Variants in LHX9 observed in about 807,000 individuals in gnomAD.
LHX9 encodes the protein LIM/homeobox protein Lhx9.
A neutral mutation model predicts 36.5 loss-of-function variants in LHX9; 9 were observed. The observed-to-expected ratio is 0.25, with a 90% CI of 0.15 to 0.43. The LOEUF (loss-of-function observed/expected upper bound fraction) is 0.43, where lower values mean the gene tolerates loss of function less well. Ranked by LOEUF, LHX9 falls within the 20% of genes least tolerant of loss-of-function variation. The pLI is 1.00. For synonymous variants in LHX9, 211 were observed against 212.1 expected, an observed-to-expected ratio of 0.99 and a Z score of 0.04; for missense variants, 464 against 526.4, an observed-to-expected ratio of 0.88 and a Z score of 1.16.
At position 197,933,488 on chromosome 1, in the gene LHX9, TTAAA is replaced by T. The variant is rs1660375333; in HGVS notation, c.*4232_*4235del. Reference sequence around the variant, plus strand: ...AAACCTCATCCACAGCTATAGCAACTTAAATAGATTTTCCAATGCATTTCCAGCC... The same window carrying T: ...AAACCTCATCCACAGCTATAGCAACTTAGATTTTCCAATGCATTTCCAGCC... On this transcript the variant is annotated 3_prime_UTR_variant, in exon 5 of 5. Transcript: ENST00000367387. 6.6e-6 allele frequency: 1 copy of T among 152,260 alleles called. No homozygotes were observed. The highest frequency in any genetic ancestry group is 2.4e-5 in the African/African-American group (1 of 41,556). The allele number at this position is 152,260 out of a possible 1,614,324, so 9.4% of individuals were successfully genotyped here.
chr1:197,928,977 G>T (rs1363237084), intron 4 of LHX9, 25 bp from the exon 5 acceptor site: 3 of 1,517,880 alleles, frequency 2.0e-6, no homozygotes, highest in Non-Finnish European at 2.7e-6. Context: ...CATCGGTAAA[G>T]AAATCAATTG....
At position 197,934,944 on chromosome 1, in the gene LHX9, C is replaced by T. The variant is rs1041665458; in HGVS notation, c.*5685C>T. 9 of 151,614 alleles carry T rather than the reference C, an allele frequency of 5.9e-5. No homozygotes were observed. Among genetic ancestry groups the T allele is most frequent in the East Asian group, 1.9e-4 (1 of 5,166 alleles). 9.4% of individuals were successfully genotyped at this position (151,614 alleles called of 1,614,324 possible). A position where few individuals can be genotyped will look rare whatever the true frequency, so the allele number is the denominator to read the frequency against. On this transcript the variant is annotated 3_prime_UTR_variant, in exon 5 of 5. Transcript: ENST00000367387. ...TTAAATGCCCCTCTGGGAAGATTTC[C>T]GTTTTATTTTATGAGGTTCCCTGGC... is the stretch of plus-strand genomic sequence containing the variant.
In LHX9 at chr1:197,932,202, C is replaced by T. The variant is rs1377971427; in HGVS notation, c.*2943C>T. On this transcript the variant is annotated 3_prime_UTR_variant, in exon 5 of 5. Coordinates refer to ENST00000367387, the MANE Select transcript of LHX9 (RefSeq NM_020204.3). The stretch of plus-strand genomic sequence containing the variant: ...GTGGTTTAAACAAAATTAGATAAAC[C>T]ATGTACAAAACCAGAGCAACCTGGC... 3 of 396,600 alleles carry T rather than the reference C, an allele frequency of 7.6e-6. No individual in the cohort carries two copies. The highest frequency in any genetic ancestry group is 1.4e-5 in the Non-Finnish European group (3 of 221,802). The allele number at this position is 396,600 out of a possible 1,614,324, so 24.6% of individuals were successfully genotyped here.
At chr1:197,923,756 T>C (rs113221369) in intron 3 of LHX9, among the ~76,000 whole-genome samples, 1 of 152,180 alleles carries the variant, frequency 6.6e-6, no homozygotes, top group Non-Finnish European at 1.5e-5. Context: ...TGAAAATAAC[T>C]AGAGAGTACA....
intron 1 of LHX9, among the ~76,000 whole-genome samples, chr1:197,919,640 A>G (rs999461055): frequency 3.9e-5 from 6 of 152,158 alleles, no homozygotes; most frequent in African/African-American, 1.2e-4. Context: ...CACAATTTTT[A>G]GCTTGTAATT....
At chr1:197,928,028 T>C (rs1660196878) in intron 4 of LHX9, among the ~76,000 whole-genome samples, 1 of 152,200 alleles carries the variant, frequency 6.6e-6, no homozygotes, top group Non-Finnish European at 1.5e-5. Flanking sequence ...TATGTGGAGA[T>C]GGGCCCTCCA....
In LHX9 at chr1:197,934,466, T is replaced by C. The variant is rs761338337; in HGVS notation, c.*5207T>C. ...CTAATTTTGTATGAAGTTTTGCTAT[T>C]TAAATTTTAACTATGTTATAAACAA... On this transcript the variant is annotated 3_prime_UTR_variant, in exon 5 of 5. Coordinates refer to ENST00000367387, the MANE Select transcript of LHX9 (RefSeq NM_020204.3). 4.8e-4 allele frequency: 73 copies of C among 152,290 alleles called. No individual in the cohort carries two copies. Among genetic ancestry groups the C allele is most frequent in the East Asian group, 3.9e-4 (2 of 5,190 alleles). 9.4% of individuals were successfully genotyped at this position (152,290 alleles called of 1,614,324 possible). A position where few individuals can be genotyped will look rare whatever the true frequency, so the allele number is the denominator to read the frequency against.
chr1:197,920,900 C>G, intron 2 of LHX9, among the ~76,000 whole-genome samples: 1 of 152,162 alleles, frequency 6.6e-6, no homozygotes, highest in South Asian at 2.1e-4. Context: ...TTCCCACACC[C>G]GCGCACATCC....
rs543595011 is a variant in LHX9 at position 197,934,966 on chromosome 1, T to C, written c.*5707T>C. 6 of 152,274 alleles carry C rather than the reference T, an allele frequency of 3.9e-5. No individual in the cohort carries two copies. The highest frequency in any genetic ancestry group is 1.4e-4 in the African/African-American group (6 of 41,572). The allele number at this position is 152,274 out of a possible 1,614,324, so 9.4% of individuals were successfully genotyped here. A position where few individuals can be genotyped will look rare whatever the true frequency, so the allele number is the denominator to read the frequency against. On this transcript the variant is annotated 3_prime_UTR_variant, in exon 5 of 5. Transcript: ENST00000367387. ...TTCCGTTTTATTTTATGAGGTTCCC[T>C]GGCAGTTGGGGGGGTGGTGAGGTTG...
At chr1:197,926,008 A>T (rs1021393294) in intron 3 of LHX9, among the ~76,000 whole-genome samples, 20 of 152,164 alleles carry the variant, frequency 1.3e-4, no homozygotes, top group African/African-American at 4.8e-4. Flanking sequence ...CCTCCTACTT[A>T]TGCGTCTTAT....
intron 3 of LHX9, among the ~76,000 whole-genome samples, chr1:197,922,965 G>A (rs535089383): frequency 2.0e-5 from 3 of 152,346 alleles, no homozygotes; most frequent in African/African-American, 7.2e-5. Context: ...GTGTGAATGT[G>A]AAGCTAAGAG....
Position 197,935,069 on chromosome 1 carries a change from C to G in LHX9, c.*5810C>G, listed in dbSNP as rs1274141012. The G allele has an allele frequency of 6.6e-6, 1 of 151,980 alleles. No homozygotes were observed. The highest frequency in any genetic ancestry group is 2.4e-5 in the African/African-American group (1 of 41,354). 9.4% of individuals were successfully genotyped at this position (151,980 alleles called of 1,614,324 possible). A position where few individuals can be genotyped will look rare whatever the true frequency, so the allele number is the denominator to read the frequency against. ...ATGATGTAAGTAGTAACATTATTGCCACAACTAAATTTCTGTTTAACTGTG... is the reference window on the plus strand; with the variant it reads ...ATGATGTAAGTAGTAACATTATTGCGACAACTAAATTTCTGTTTAACTGTG... On this transcript the variant is annotated 3_prime_UTR_variant, in exon 5 of 5. Coordinates refer to ENST00000367387, the MANE Select transcript of LHX9 (RefSeq NM_020204.3).
chr1:197,921,567 C>G lies in LHX9; in HGVS notation c.641C>G (p.Pro214Arg). 6.2e-7 allele frequency: 1 copy of G among 1,612,918 alleles called. No homozygotes were observed. The highest frequency in any genetic ancestry group is 8.5e-7 in the Non-Finnish European group (1 of 1,180,000). ...LAAKSGGLAL[P>R]YFNGTGTVQK... ...GCCAAGAGCGGCGGCCTGGCCCTGC[C>G]TTACTTCAACGGTACGGGCACCGTG... The change falls in exon 3 of 5, where the codon CCT (proline) becomes CGT (arginine). Residue 214 changes from proline (P) to arginine (R), a missense_variant. By Grantham distance (103) the Pro-to-Arg change is moderately radical (BLOSUM62 -2). Coordinates refer to ENST00000367387, the MANE Select transcript of LHX9 (RefSeq NM_020204.3). This position sits in a 1 kb window ranked among gnomAD's most constrained non-coding sequence, Gnocchi z 4.6.
intron 3 of LHX9, among the ~76,000 whole-genome samples, chr1:197,922,021 T>C (rs960491522): frequency 6.6e-6 from 1 of 150,916 alleles, no homozygotes; most frequent in African/African-American, 2.4e-5. Flanking sequence ...GGCCAAATTA[T>C]AGATCCTGTA....
chr1:197,921,176 T>C lies in LHX9; in HGVS notation c.378-128T>C, dbSNP rs1162218540. The C allele has an allele frequency of 4.7e-6, 3 of 635,078 alleles. No homozygotes were observed. The East Asian group carries it at 8.3e-5, about 18-fold the overall frequency. 39.3% of individuals were successfully genotyped at this position (635,078 alleles called of 1,614,324 possible). On this transcript the variant is annotated intron_variant, in intron 2 of 4. Transcript: ENST00000367387. The surrounding 1 kb of genome is among the most constrained non-coding windows in gnomAD (Gnocchi z 4.6). Reference sequence around the variant, plus strand: ...ATGAGCAAATAAAATTAATGCCTACTCTCCTGTCCCCCTGGAACCCTCCCA... The same window carrying C: ...ATGAGCAAATAAAATTAATGCCTACCCTCCTGTCCCCCTGGAACCCTCCCA...
upstream of LHX9, chr1:197,912,601 T>G: frequency 6.3e-7 from 1 of 1,597,080 alleles, no homozygotes; most frequent in Non-Finnish European, 8.6e-7. Flanking sequence ...CTCTGCCCCT[T>G]GGGCCAGTGC....
chr1:197,920,219 G>A (rs1659937785), intron 2 of LHX9, 45 bp downstream of exon 2: 1 of 1,577,246 alleles, frequency 6.3e-7, no homozygotes. Context: ...TACACCTGGA[G>A]GGGCCATCTG....
At position 197,933,862 on chromosome 1, in the gene LHX9, T is replaced by C. The variant is rs1282869565; in HGVS notation, c.*4603T>C. The C allele has an allele frequency of 6.6e-6, 1 of 152,070 alleles. No individual in the cohort carries two copies. Among genetic ancestry groups the C allele is most frequent in the Non-Finnish European group, 1.5e-5 (1 of 68,018 alleles). 9.4% of individuals were successfully genotyped at this position (152,070 alleles called of 1,614,324 possible). ...GCTTTACTGTGATGTAAAGCAGTCT[T>C]TGAGTCTGGGCAACTGCACATTTAC... is the stretch of plus-strand genomic sequence containing the variant. On this transcript the variant is annotated 3_prime_UTR_variant, in exon 5 of 5. Coordinates refer to ENST00000367387, the MANE Select transcript of LHX9 (RefSeq NM_020204.3).
chr1:197,914,401 A>ATTTT (rs11390778), upstream of LHX9, among the ~76,000 whole-genome samples: 8 of 148,714 alleles, frequency 5.4e-5, no homozygotes, highest in East Asian at 3.9e-4. Context: ...AAGGGGGAAC[A>ATTTT]TTTTTTTTTT....
Sources: gnomAD v4.1 joint callset for allele counts (sites outside exome capture counted in the v4.1 genomes callset) on GRCh38, gnomAD v4.1.1 for gene constraint, Gnocchi (gnomAD v3.1) non-coding constraint, MANE v1.5 for transcripts, NCBI Gene and HGNC (gene_info 2026-07-23, HGNC 2026-07-21) for gene names.